The following CAB39L variants were observed in gnomAD, a reference collection of about 807,000 sequenced individuals.
CAB39L encodes calcium-binding protein 39-like.
CAB39L carries 23 observed loss-of-function variants against 39.1 expected under a neutral mutation model. The ratio of observed to expected loss-of-function variants is 0.59; its 90% confidence interval spans 0.42 to 0.83. The LOEUF is 0.83. CAB39L is among the 40% of genes least tolerant of loss of function. The pLI, the probability that CAB39L is intolerant of heterozygous loss-of-function variation, is 0.00. For synonymous variants in CAB39L, 126 were observed against 137.2 expected, an observed-to-expected ratio of 0.92 and a Z score of 0.57; for missense variants, 366 against 391.9, an observed-to-expected ratio of 0.93 and a Z score of 0.56.
rs117430724 is a variant in CAB39L, at chr13:49,403,548, T to C, written c.-31-20607A>G. On this transcript the variant is annotated intron_variant, in intron 3 of 10. Coordinates refer to ENST00000409308, the MANE Select transcript of CAB39L (RefSeq NM_001079670.3). ...AATGACACAAATAATAGAATTAGTA[T>C]ACAAAGACATTAAAACTATTAAAAA... Among the ~76,000 whole-genome samples, 1,149 of 152,132 alleles carry C rather than the reference T, an allele frequency of 7.6e-3. 11 individuals are homozygous for C. The highest frequency in any genetic ancestry group is 0.01 in the Non-Finnish European group (690 of 67,996).
chr13:49,349,518 C>G (rs1955278836), intron 7 of CAB39L, among the ~76,000 whole-genome samples: 1 of 148,656 alleles, frequency 6.7e-6, no homozygotes, highest in South Asian at 2.1e-4. Context: ...ACCTGAAAAC[C>G]TATTTTTTTC....
chr13:49,353,970 G>A (rs1393709269), intron 6 of CAB39L, among the ~76,000 whole-genome samples: 1 of 152,126 alleles, frequency 6.6e-6, no homozygotes, highest in Non-Finnish European at 1.5e-5. Context: ...TAATACTAGA[G>A]TACTCTAATG....
intron 10 of CAB39L, among the ~76,000 whole-genome samples, chr13:49,325,877 G>A (rs1210052049): frequency 6.6e-6 from 1 of 152,172 alleles, no homozygotes; most frequent in Non-Finnish European, 1.5e-5. Flanking sequence ...AAATTCATCT[G>A]TAATTTTGCT....
At chr13:49,400,196 G>A (rs936322477) in intron 3 of CAB39L, among the ~76,000 whole-genome samples, 5 of 152,138 alleles carry the variant, frequency 3.3e-5, no homozygotes, top group African/African-American at 9.6e-5. Context: ...GGCTAGCAGA[G>A]GGTAGATTAG....
At chr13:49,365,487 G>A (rs1955746161) in intron 5 of CAB39L, among the ~76,000 whole-genome samples, 1 of 152,126 alleles carries the variant, frequency 6.6e-6, no homozygotes, top group Non-Finnish European at 1.5e-5. Context: ...GCACAGTGAA[G>A]GGTACAATCA....
At chr13:49,375,660 C>G (rs889195662) in intron 5 of CAB39L, among the ~76,000 whole-genome samples, 1 of 151,144 alleles carries the variant, frequency 6.6e-6, no homozygotes, top group South Asian at 2.1e-4. Flanking sequence ...GTCGGGGGAG[C>G]GGGGAGGGAT....
chr13:49,352,457 C>CA (rs957717026), intron 6 of CAB39L, among the ~76,000 whole-genome samples: 72 of 145,746 alleles, frequency 4.9e-4, no homozygotes, highest in Middle Eastern at 3.6e-3. Context: ...GGGCCCCCTC[C>CA]AAAAAAAAAA....
chr13:49,401,620 G>A (rs757448196), intron 3 of CAB39L: 15 of 152,046 alleles, frequency 9.9e-5, no homozygotes, highest in Non-Finnish European at 1.0e-4. Context: ...GTAAAGCTGA[G>A]GCAAAATAAA....
In CAB39L at chr13:49,310,713, G is replaced by C. The variant is rs946220182; in HGVS notation, c.*101C>G. The C allele has an allele frequency of 5.0e-6, 6 of 1,198,852 alleles. No individual in the cohort carries two copies. The highest frequency in any genetic ancestry group is 7.0e-6 in the Non-Finnish European group (6 of 855,608). 74.3% of individuals were successfully genotyped at this position (1,198,852 alleles called of 1,614,324 possible). On this transcript the variant is annotated 3_prime_UTR_variant, in exon 11 of 11. Transcript: ENST00000409308. ...AGAACAATTACAGCAGAAAAAATAG[G>C]CACCTCCAAAGTCTTCCCAAGAATG...
At chr13:49,410,361 G>A (rs577166418) in intron 3 of CAB39L, among the ~76,000 whole-genome samples, 42 of 152,288 alleles carry the variant, frequency 2.8e-4, no homozygotes, top group Admixed American at 2.4e-3. Flanking sequence ...GTTGAGAACT[G>A]ATGTACATTC....
Position 49,378,517 on chromosome 13 carries a change from A to G in CAB39L, c.112-1386T>C, listed in dbSNP as rs1378923117. Among the ~76,000 whole-genome samples, 64 of 39,406 alleles carry G rather than the reference A, an allele frequency of 1.6e-3. 2 individuals are homozygous for G. The highest frequency in any genetic ancestry group is 2.3e-3 in the Admixed American group (11 of 4,834). 25.9% of individuals were successfully genotyped at this position (39,406 alleles called of 152,430 possible). A position where few individuals can be genotyped will look rare whatever the true frequency, so the allele number is the denominator to read the frequency against. On this transcript the variant is annotated intron_variant, in intron 4 of 10. Coordinates refer to ENST00000409308, the MANE Select transcript of CAB39L (RefSeq NM_001079670.3). ...GAGGAGCCCCTCAGCCCGGCCAGCC[A>G]CCCCGTCCGGGAGGGAGATGGGGGG...
At chr13:49,342,734 C>T (rs1362230389) in intron 8 of CAB39L, among the ~76,000 whole-genome samples, 4 of 152,104 alleles carry the variant, frequency 2.6e-5, no homozygotes, top group Admixed American at 1.3e-4. Context: ...GGGCCATACG[C>T]GGCTACTGAG....
At chr13:49,338,113 G>GT (rs758662850) in intron 9 of CAB39L, among the ~76,000 whole-genome samples, 59 of 152,072 alleles carry the variant, frequency 3.9e-4, no homozygotes, top group Admixed American at 1.2e-3. Flanking sequence ...TTCTGTTTCA[G>GT]TGTAATCCTG....
intron 1 of CAB39L, among the ~76,000 whole-genome samples, chr13:49,435,818 G>A (rs1225320718): frequency 6.6e-6 from 1 of 152,086 alleles, no homozygotes; most frequent in Non-Finnish European, 1.5e-5. Flanking sequence ...TCTTTTATAT[G>A]TCTGTCATGT....
intron 1 of CAB39L, among the ~76,000 whole-genome samples, chr13:49,440,702 G>T (rs914857842): frequency 2.7e-5 from 4 of 145,642 alleles, no homozygotes; most frequent in Non-Finnish European, 6.0e-5. Flanking sequence ...CTTGGTTAGA[G>T]GTATTCCTAG....
At chr13:49,370,862 T>A (rs1443486074) in intron 5 of CAB39L, among the ~76,000 whole-genome samples, 3 of 152,196 alleles carry the variant, frequency 2.0e-5, no homozygotes, top group Non-Finnish European at 4.4e-5. Flanking sequence ...AAAGGCCTTC[T>A]AAAGCTTATA....
At chr13:49,368,692 C>T (rs1164053685) in intron 5 of CAB39L, among the ~76,000 whole-genome samples, 4 of 152,172 alleles carry the variant, frequency 2.6e-5, no homozygotes, top group Non-Finnish European at 5.9e-5. Flanking sequence ...CTTGTGTTTG[C>T]TGGCAAATTC....
intron 5 of CAB39L, among the ~76,000 whole-genome samples, chr13:49,368,848 T>C (rs1007726230): frequency 6.6e-6 from 1 of 152,036 alleles, no homozygotes; most frequent in Non-Finnish European, 1.5e-5. Context: ...GCAACCAGAA[T>C]GATTGCTGAA....
intron 8 of CAB39L, 25 bp downstream of exon 8, chr13:49,344,154 G>A: frequency 1.4e-6 from 2 of 1,409,926 alleles, no homozygotes; most frequent in Non-Finnish European, 1.0e-6. Context: ...AAGTGGGAAA[G>A]TCTTTAAAAA....
Sources: allele counts gnomAD v4.1 joint callset (sites outside exome capture counted in the v4.1 genomes callset), GRCh38; gene constraint gnomAD v4.1.1; transcripts MANE v1.5; gene names NCBI Gene and HGNC (gene_info 2026-07-23, HGNC 2026-07-21).